Variants in DGLUCY observed in about 807,000 individuals in gnomAD.
The protein encoded by DGLUCY is D-glutamate cyclase, also known as D-glutamate cyclase, mitochondrial.
In DGLUCY, 58 loss-of-function variants were observed where a neutral mutation model predicts 58.5. That is an observed-to-expected ratio of 0.99 (90% CI 0.80 to 1.23). DGLUCY has a LOEUF of 1.23. DGLUCY is among the 50% of genes most tolerant of loss of function. The pLI is 0.00. For synonymous variants in DGLUCY, 325 were observed against 314.1 expected (o/e 1.03, Z -0.37); for missense variants, 779 against 784.7 (o/e 0.99, Z 0.09).
Position 91,224,759 on chromosome 14 carries a change from G to A in DGLUCY, c.1792G>A (p.Asp598Asn). 6.2e-7 allele frequency: 1 copy of A among 1,613,820 alleles called. No homozygotes were observed. The highest frequency in any genetic ancestry group is 8.5e-7 in the Non-Finnish European group (1 of 1,179,822). ...CTCGGGCATCGTGGGCATGGAGGTG[G>A]ATGGGCTGCCCTTCCACAACACCCA... ...GVSGIVGMEV[D>N]GLPFHNTHAE... The change falls in exon 14 of 14, where the codon GAT becomes AAT. Residue 598 changes from aspartate to asparagine, a missense_variant. Physicochemically the swap from Asp to Asn is conservative, Grantham distance 23. Transcript: ENST00000256324.
chr14:91,196,243 A>G (rs2050198580), intron 9 of DGLUCY, 132 bp from the exon 10 acceptor site: 3 of 687,608 alleles, frequency 4.4e-6, no homozygotes, highest in South Asian at 1.8e-5. Flanking sequence ...CGGCTTACCT[A>G]ACATGTTCTA....
chr14:91,138,743 C>T (rs899843775), intron 1 of DGLUCY, among the ~76,000 whole-genome samples: 1 of 152,056 alleles, frequency 6.6e-6, no homozygotes, highest in African/African-American at 2.4e-5. Context: ...GAAACTACCC[C>T]CATGGCCCAG....
chr14:91,072,323 CAA>C lies in DGLUCY; in HGVS notation c.-82+11632_-82+11633del, dbSNP rs113763715. Among the ~76,000 whole-genome samples the C allele has an allele frequency of 6.6e-4, 86 of 129,604 alleles. 1 individual carries two copies. The highest frequency in any genetic ancestry group is 1.0e-3 in the Admixed American group (13 of 12,970). The allele number at this position is 129,604 out of a possible 152,430, so 85.0% of individuals were successfully genotyped here. ...TGAGCAACAGAATGAGACTCTGTCT[CAA>C]AAAAAAAAAAAAGAACTCCATGAAC... On this transcript the variant is annotated intron_variant, in intron 1 of 4. Transcript: ENST00000521334.
At chr14:91,131,614 T>C (rs957051379) in intron 1 of DGLUCY, among the ~76,000 whole-genome samples, 10 of 151,842 alleles carry the variant, frequency 6.6e-5, no homozygotes, top group Non-Finnish European at 1.0e-4. Context: ...ATCCCTCCCC[T>C]CTTCCCCCAC....
intron 1 of DGLUCY, among the ~76,000 whole-genome samples, chr14:91,119,630 C>T (rs982284813): frequency 1.3e-5 from 2 of 152,154 alleles, no homozygotes; most frequent in South Asian, 2.1e-4. Flanking sequence ...CCCTCTCCCT[C>T]GGTGTGATGG....
At chr14:91,159,196 C>T (rs2047838263) in intron 2 of DGLUCY, among the ~76,000 whole-genome samples, 1 of 151,668 alleles carries the variant, frequency 6.6e-6, no homozygotes, top group Admixed American at 6.6e-5. Flanking sequence ...CCTGTAATCC[C>T]AGCACTTTGA....
intron 12 of DGLUCY, among the ~76,000 whole-genome samples, chr14:91,206,730 C>CA (rs892133692): frequency 1.3e-5 from 2 of 151,524 alleles, no homozygotes; most frequent in African/African-American, 4.9e-5. Context: ...CTTTCAACAA[C>CA]AAAAAAAATT....
At chr14:91,171,571 G>A (rs1214483322) in intron 5 of DGLUCY, among the ~76,000 whole-genome samples, 2 of 152,200 alleles carry the variant, frequency 1.3e-5, no homozygotes, top group Non-Finnish European at 2.9e-5. Context: ...CCCTCTCCTG[G>A]GTGCTATTAT....
intron 1 of DGLUCY, among the ~76,000 whole-genome samples, chr14:91,138,298 C>G (rs1045626694): frequency 1.3e-5 from 2 of 152,068 alleles, no homozygotes; most frequent in African/African-American, 4.8e-5. Flanking sequence ...TCGAAACCAG[C>G]CTGACCAACA....
At chr14:91,206,537 C>T (rs1191412368) in intron 12 of DGLUCY, among the ~76,000 whole-genome samples, 2 of 152,082 alleles carry the variant, frequency 1.3e-5, no homozygotes, top group Non-Finnish European at 1.5e-5. Flanking sequence ...TGCGCACTAC[C>T]ATGCCTGGAT....
intron 1 of DGLUCY, among the ~76,000 whole-genome samples, chr14:91,073,099 G>A (rs894580612): frequency 6.6e-6 from 1 of 152,150 alleles, no homozygotes; most frequent in Admixed American, 6.6e-5. Flanking sequence ...GTCACCAGGT[G>A]TTACACCCAT....
At chr14:91,194,453 A>T (rs2050085986) in intron 9 of DGLUCY, among the ~76,000 whole-genome samples, 1 of 151,968 alleles carries the variant, frequency 6.6e-6, no homozygotes, top group African/African-American at 2.4e-5. Context: ...TTCTGTGAGC[A>T]TCACGATGAC....
chr14:91,174,671 C>T lies in DGLUCY; in HGVS notation c.607+1232C>T, dbSNP rs187634050. Among the ~76,000 whole-genome samples the T allele has an allele frequency of 6.6e-5, 10 of 152,240 alleles. No homozygotes were observed. In the East Asian group the frequency reaches 1.7e-3, roughly 26 times the overall value. Reference sequence around the variant, plus strand: ...GTTTCCTCAAGGTCTGTGAGCTGCTCCAGGAAATTAATCAAACTCAAAGAG... The same window carrying T: ...GTTTCCTCAAGGTCTGTGAGCTGCTTCAGGAAATTAATCAAACTCAAAGAG... On this transcript the variant is annotated intron_variant, in intron 6 of 13. Transcript: ENST00000256324.
At chr14:91,111,250 A>G (rs12323373), upstream of DGLUCY, among the ~76,000 whole-genome samples, 7,227 of 41,952 alleles carry the variant, frequency 0.17, 329 homozygotes, top group South Asian at 0.38. Context: ...GTGTGTGTGT[A>G]TATATCTATA....
chr14:91,199,543 A>G (rs553260435), intron 10 of DGLUCY, among the ~76,000 whole-genome samples: 1 of 152,190 alleles, frequency 6.6e-6, no homozygotes, highest in African/African-American at 2.4e-5. Context: ...ATGAACCACC[A>G]TGCCCAGCCC....
intron 1 of DGLUCY, among the ~76,000 whole-genome samples, chr14:91,102,743 A>ATGTGTGTGTGTGTGTGTGTGTGTG (rs548653144): frequency 1.8e-4 from 23 of 130,586 alleles, no homozygotes; most frequent in Non-Finnish European, 2.6e-4. Flanking sequence ...TCCAGTGTGT[A>ATGTGTGTGTGTGTGTGTGTGTGTG]TGTGTGTGTG....
chr14:91,193,279 A>C (rs2050013558), intron 9 of DGLUCY, among the ~76,000 whole-genome samples: 1 of 152,132 alleles, frequency 6.6e-6, no homozygotes, highest in African/African-American at 2.4e-5. Flanking sequence ...TTTCCATCTG[A>C]CAACGGTGTT....
At chr14:91,155,123 A>G (rs1184688085) in intron 1 of DGLUCY, among the ~76,000 whole-genome samples, 1 of 152,176 alleles carries the variant, frequency 6.6e-6, no homozygotes, top group Non-Finnish European at 1.5e-5. Context: ...ACATGGTGTT[A>G]TAGTTAACTA....
At chr14:91,065,719 A>C (rs1007830488) in intron 1 of DGLUCY, among the ~76,000 whole-genome samples, 5 of 152,248 alleles carry the variant, frequency 3.3e-5, no homozygotes, top group African/African-American at 1.2e-4. Flanking sequence ...AAAAACAGCA[A>C]CTTTTCAGAG....
Sources: gnomAD v4.1 joint callset for allele counts (sites outside exome capture counted in the v4.1 genomes callset) on GRCh38, gnomAD v4.1.1 for gene constraint, MANE v1.5 for transcripts, NCBI Gene and HGNC (gene_info 2026-07-23, HGNC 2026-07-21) for gene names.